The following NALCN variants were observed in gnomAD, a reference collection of about 807,000 sequenced individuals.
The protein encoded by NALCN is sodium leak channel, non-selective, also known as sodium leak channel NALCN.
A neutral mutation model predicts 225.3 loss-of-function variants in NALCN; 111 were observed. The ratio of observed to expected loss-of-function variants is 0.49; its 90% CI spans 0.42 to 0.58. The LOEUF (loss-of-function observed/expected upper bound fraction) is 0.58, where lower values mean the gene tolerates loss of function less well. Among genes scored for constraint, NALCN ranks in the 20% least tolerant of loss-of-function variants. NALCN has a pLI of 0.00. For missense variants in NALCN, 1,378 were observed against 2,202.4 expected, an observed-to-expected ratio of 0.63 and a Z score of 7.49; for synonymous variants, 764 against 769.0, an observed-to-expected ratio of 0.99 and a Z score of 0.11.
chr13:101,344,484 T>C (rs74879225), intron 7 of NALCN, among the ~76,000 whole-genome samples: 3,076 of 152,286 alleles, frequency 0.02, 110 homozygotes, highest in African/African-American at 0.07. Context: ...CTTTATGGTT[T>C]AGCACGCAGG....
At chr13:101,305,012 C>T (rs1324397301) in intron 7 of NALCN, among the ~76,000 whole-genome samples, 1 of 152,046 alleles carries the variant, frequency 6.6e-6, no homozygotes, top group African/African-American at 2.4e-5. Context: ...GCCTCAGCCT[C>T]CCAAAGTGCT....
chr13:101,072,677 G>C (rs547534667), intron 37 of NALCN, among the ~76,000 whole-genome samples: 1 of 152,286 alleles, frequency 6.6e-6, no homozygotes, highest in South Asian at 2.1e-4. Context: ...GGAGAGACTG[G>C]TAAGAAAGAC....
intron 7 of NALCN, among the ~76,000 whole-genome samples, chr13:101,343,373 G>A (rs915531820): frequency 6.6e-6 from 1 of 152,156 alleles, no homozygotes; most frequent in African/African-American, 2.4e-5. Context: ...AGAAAGGAAG[G>A]AGTCATGAGG....
intron 7 of NALCN, among the ~76,000 whole-genome samples, chr13:101,324,538 G>A (rs2139206495): frequency 6.6e-6 from 1 of 152,234 alleles, no homozygotes; most frequent in East Asian, 1.9e-4. Flanking sequence ...TCTCTTTGAA[G>A]CAATTGTGAA....
At chr13:101,124,543 A>C in intron 18 of NALCN, 65 bp downstream of exon 18, 2 of 1,391,134 alleles carry the variant, frequency 1.4e-6, no homozygotes, top group Non-Finnish European at 2.0e-6. Context: ...TTTTTCAAAA[A>C]GCTATTTTTC....
chr13:101,204,435 GA>G (rs1208168052), intron 13 of NALCN, among the ~76,000 whole-genome samples: 34 of 152,116 alleles, frequency 2.2e-4, no homozygotes, highest in Admixed American at 1.4e-3. Flanking sequence ...AGAGAGAGGA[GA>G]AAAAAACTGT....
chr13:101,323,961 G>C (rs903999849), intron 7 of NALCN, among the ~76,000 whole-genome samples: 1 of 152,166 alleles, frequency 6.6e-6, no homozygotes, highest in Admixed American at 6.5e-5. Context: ...TCTATGTAGA[G>C]AGGCACTGAA....
In NALCN at chr13:101,106,843, T is replaced by C. The variant is rs145107972; in HGVS notation, c.2579+644A>G. Among the ~76,000 whole-genome samples the C allele has an allele frequency of 4.0e-3, 611 of 152,326 alleles. 2 individuals are homozygous for C. Among genetic ancestry groups the C allele is most frequent in the Admixed American group, 8.0e-3 (122 of 15,298 alleles). ...AATTACCCAGTCTCAGGTATGTCTTTATCAGTGGCATGAAAATGGACTCAT... is the reference window on the plus strand; with the variant it reads ...AATTACCCAGTCTCAGGTATGTCTTCATCAGTGGCATGAAAATGGACTCAT... On this transcript the variant is annotated intron_variant, in intron 22 of 43. Coordinates refer to ENST00000251127, the MANE Select transcript of NALCN (RefSeq NM_052867.4).
intron 30 of NALCN, among the ~76,000 whole-genome samples, chr13:101,084,393 G>A (rs1260210312): frequency 2.0e-5 from 3 of 152,084 alleles, no homozygotes; most frequent in Non-Finnish European, 2.9e-5. Flanking sequence ...GCACTGCACT[G>A]CATTATATTT....
chr13:101,198,483 T>A (rs183469629), intron 13 of NALCN, among the ~76,000 whole-genome samples: 5 of 152,218 alleles, frequency 3.3e-5, no homozygotes, highest in Middle Eastern at 3.4e-3. Context: ...GGGCAAAGGA[T>A]TTGAACAGAC....
intron 28 of NALCN, among the ~76,000 whole-genome samples, chr13:101,091,548 A>G (rs186222242): frequency 1.4e-5 from 2 of 146,584 alleles, no homozygotes; most frequent in Admixed American, 6.8e-5. Context: ...TCAGAAATGC[A>G]TATTTTGGAA....
intron 10 of NALCN, among the ~76,000 whole-genome samples, chr13:101,283,298 G>C (rs1351646844): frequency 2.0e-5 from 3 of 152,162 alleles, no homozygotes; most frequent in Non-Finnish European, 4.4e-5. Context: ...CTGAAGAAGA[G>C]ATAAAGGAGT....
intron 1 of NALCN, among the ~76,000 whole-genome samples, chr13:101,414,102 T>C (rs1376744335): frequency 1.3e-5 from 2 of 150,734 alleles, no homozygotes; most frequent in African/African-American, 2.4e-5. Flanking sequence ...CCCAGGCTGG[T>C]CTGGACTCTT....
intron 30 of NALCN, among the ~76,000 whole-genome samples, chr13:101,085,783 G>T (rs1421098031): frequency 6.6e-6 from 1 of 152,062 alleles, no homozygotes; most frequent in Non-Finnish European, 1.5e-5. Context: ...TTTAAATTTT[G>T]CTTTTCATAT....
At chr13:101,276,244 A>G (rs1566519085) in intron 10 of NALCN, among the ~76,000 whole-genome samples, 1 of 152,052 alleles carries the variant, frequency 6.6e-6, no homozygotes, top group East Asian at 1.9e-4. Context: ...ACGTGAGGAT[A>G]AATTTATTAG....
intron 3 of NALCN, among the ~76,000 whole-genome samples, chr13:101,387,933 T>G (rs2047040855): frequency 6.6e-6 from 1 of 152,138 alleles, no homozygotes. Flanking sequence ...CAAAGGACAT[T>G]TTGCTAAAAT....
rs556820338 is a variant in NALCN, at chr13:101,210,255, A to G, written c.1627-18201T>C. Among the ~76,000 whole-genome samples, 29 of 152,220 alleles carry G rather than the reference A, an allele frequency of 1.9e-4. No homozygotes were observed. The South Asian group carries it at 5.8e-3, about 30-fold the overall frequency. On this transcript the variant is annotated intron_variant, in intron 13 of 43. Coordinates refer to ENST00000251127, the MANE Select transcript of NALCN (RefSeq NM_052867.4). The stretch of plus-strand genomic sequence containing the variant: ...ACGTACACACATTATGCTTTATCCC[A>G]TCATGCTTCCTGGAAATTAAGATTT...
intron 30 of NALCN, among the ~76,000 whole-genome samples, chr13:101,088,967 G>A (rs1447553728): frequency 2.0e-5 from 3 of 148,912 alleles, no homozygotes; most frequent in Non-Finnish European, 4.5e-5. Context: ...GTGTGATCTC[G>A]GCTCACTGCA....
At chr13:101,363,581 T>C (rs967647538) in intron 6 of NALCN, among the ~76,000 whole-genome samples, 1 of 151,936 alleles carries the variant, frequency 6.6e-6, no homozygotes, top group Non-Finnish European at 1.5e-5. Flanking sequence ...AAAAATCAAA[T>C]AATAAAGGAT....
Sources: gnomAD v4.1 joint callset for allele counts (sites outside exome capture counted in the v4.1 genomes callset) on GRCh38, gnomAD v4.1.1 for gene constraint, MANE v1.5 for transcripts, NCBI Gene and HGNC (gene_info 2026-07-23, HGNC 2026-07-21) for gene names.